Variants in TATDN1 observed in about 807,000 individuals in gnomAD.
The protein encoded by TATDN1 is TatD DNase domain containing 1, also known as deoxyribonuclease TATDN1.
Under a neutral mutation model 46.4 loss-of-function variants are expected in TATDN1, and 40 were observed. That is an observed-to-expected ratio of 0.86 (90% CI 0.67 to 1.12). TATDN1 has a LOEUF of 1.12. Among genes scored for constraint, TATDN1 ranks in the 50% most tolerant of loss-of-function variants. The pLI is 0.00. For synonymous variants in TATDN1, 95 were observed against 105.6 expected (o/e 0.90, Z 0.62); for missense variants, 326 against 348.4 (o/e 0.94, Z 0.51).
At position 124,522,173 on chromosome 8, in the gene TATDN1, G is replaced by C. The variant is rs754436131; in HGVS notation, c.116C>G (p.Ala39Gly). The C allele has an allele frequency of 6.3e-7, 1 of 1,596,172 alleles. No individual in the cohort carries two copies. The highest frequency in any genetic ancestry group is 1.1e-5 in the South Asian group (1 of 88,278). The change falls in exon 3 of 12, where the codon GCT (alanine) becomes GGT (glycine). Residue 39 changes from alanine (A) to glycine (G), a missense_variant. Ala to Gly is a moderately conservative substitution (Grantham distance 60). Coordinates refer to ENST00000276692, the MANE Select transcript of TATDN1 (RefSeq NM_032026.4). Reference protein sequence around the residue: ...QDDLQDVIGRAVEIGVKKFMI... With the variant: ...QDDLQDVIGRGVEIGVKKFMI... ...TACCTTTTTAACACCAATCTCGACAGCTCTCCCTATTACATCCTGTAAGTC... is the reference window on the plus strand; with the variant it reads ...TACCTTTTTAACACCAATCTCGACACCTCTCCCTATTACATCCTGTAAGTC...
At chr8:124,520,714 T>A (rs2131511749) in intron 3 of TATDN1, among the ~76,000 whole-genome samples, 1 of 151,888 alleles carries the variant, frequency 6.6e-6, no homozygotes, top group Admixed American at 6.6e-5. Flanking sequence ...AAGCCAAGGC[T>A]GGCAGATCAC....
At chr8:124,538,003 CTT>C (rs1237547076) in intron 1 of TATDN1, among the ~76,000 whole-genome samples, 54 of 152,302 alleles carry the variant, frequency 3.5e-4, no homozygotes, top group African/African-American at 1.2e-3. Flanking sequence ...ATCCTAATCT[CTT>C]GATTGCCAGA....
At chr8:124,517,214 G>T (rs566544196) in intron 4 of TATDN1, among the ~76,000 whole-genome samples, 1 of 152,310 alleles carries the variant, frequency 6.6e-6, no homozygotes, top group East Asian at 1.9e-4. Flanking sequence ...CAGATCACGA[G>T]GTCAGGAGTT....
At chr8:124,538,288 T>C (rs2131591764) in intron 1 of TATDN1, 1 of 152,448 alleles carries the variant, frequency 6.6e-6, no homozygotes, top group South Asian at 2.1e-4. Flanking sequence ...TCCCTACCTC[T>C]CCCTATTTCC....
chr8:124,524,041 G>A (rs1029802056), intron 1 of TATDN1, among the ~76,000 whole-genome samples: 5 of 152,236 alleles, frequency 3.3e-5, no homozygotes, highest in East Asian at 1.9e-4. Flanking sequence ...CAAAATTTGC[G>A]GTGGTGGTAG....
At chr8:124,524,071 C>T (rs144592799) in intron 1 of TATDN1, among the ~76,000 whole-genome samples, 292 of 152,302 alleles carry the variant, frequency 1.9e-3, no homozygotes, top group African/African-American at 6.7e-3. Context: ...TACCAACAGA[C>T]TCCCTACATT....
At chr8:124,495,434 T>C in intron 10 of TATDN1, 38 bp downstream of exon 10, 1 of 1,494,154 alleles carries the variant, frequency 6.7e-7, no homozygotes, top group Non-Finnish European at 9.2e-7. Context: ...TTGTTTGGTA[T>C]GGTTTAATAT....
In TATDN1 at chr8:124,515,959, A is replaced by C. The variant is rs1293379813; in HGVS notation, c.274T>G (p.Tyr92Asp). The C allele has an allele frequency of 6.2e-7, 1 of 1,614,024 alleles. No individual in the cohort carries two copies. The highest frequency in any genetic ancestry group is 1.1e-5 in the South Asian group (1 of 91,070). ...GCAAGATTTAGCAACTCCTTTAAGT[A>C]AAGATCAGGGTTATTCTTTTCAAAT... is the stretch of plus-strand genomic sequence containing the variant. ...GEFEKNNPDL[Y>D]LKELLNLAEN... Residue 92 changes from tyrosine to aspartate, a missense_variant, in exon 5 of 12, where the codon TAC (tyrosine) becomes GAC (aspartate). Transcript: ENST00000276692.
At chr8:124,500,165 A>T (rs1421308608) in intron 9 of TATDN1, among the ~76,000 whole-genome samples, 2 of 152,154 alleles carry the variant, frequency 1.3e-5, no homozygotes, top group African/African-American at 4.8e-5. Flanking sequence ...TCTTGGGGGA[A>T]AAATTCTAAT....
Position 124,504,361 on chromosome 8 carries a change from G to T in TATDN1, c.517-14C>A, listed in dbSNP as rs72713074. The stretch of plus-strand genomic sequence containing the variant: ...AAATGAATGCACCTGGGGACATACA[G>T]GTATAAGTTTATTATTATAATAATT... On this transcript the variant is annotated splice_polypyrimidine_tract_variant and intron_variant, in intron 8 of 11. Coordinates refer to ENST00000276692, the MANE Select transcript of TATDN1 (RefSeq NM_032026.4). 2 of 1,529,380 alleles carry T rather than the reference G, an allele frequency of 1.3e-6. No homozygotes were observed. The highest frequency in any genetic ancestry group is 1.8e-6 in the Non-Finnish European group (2 of 1,134,714). The allele number at this position is 1,529,380 out of a possible 1,614,324, so 94.7% of individuals were successfully genotyped here. A position where few individuals can be genotyped will look rare whatever the true frequency, so the allele number is the denominator to read the frequency against.
intron 10 of TATDN1, 90 bp downstream of exon 10, chr8:124,495,382 A>T (rs1817375829): frequency 2.2e-6 from 2 of 922,984 alleles, no homozygotes; most frequent in Non-Finnish European, 3.4e-6. Context: ...ATACTTGTTC[A>T]CTTAAAGTTT....
In TATDN1 at chr8:124,532,913, T is replaced by C. The variant is rs957846474; in HGVS notation, c.22+6112A>G. On this transcript the variant is annotated intron_variant, in intron 1 of 11. Coordinates refer to ENST00000276692, the MANE Select transcript of TATDN1 (RefSeq NM_032026.4). ...AAGTCTATATGAGGTGAGAGAAAAGTGTCTGTAAAGACAACACAGTCTTTG... is the reference window on the plus strand; with the variant it reads ...AAGTCTATATGAGGTGAGAGAAAAGCGTCTGTAAAGACAACACAGTCTTTG... Among the ~76,000 whole-genome samples, 15 of 152,264 alleles carry C rather than the reference T, an allele frequency of 9.9e-5. No individual in the cohort carries two copies. In the South Asian group the frequency reaches 2.5e-3, roughly 25 times the overall value.
intron 9 of TATDN1, among the ~76,000 whole-genome samples, chr8:124,499,553 C>CT (rs906829808): frequency 4.8e-4 from 73 of 151,088 alleles, no homozygotes; most frequent in South Asian, 8.4e-4. Flanking sequence ...TTCCCATTTT[C>CT]TTTTTTTTTG....
chr8:124,513,872 A>AC (rs1231939855), intron 6 of TATDN1, among the ~76,000 whole-genome samples: 2 of 152,338 alleles, frequency 1.3e-5, no homozygotes, highest in African/African-American at 4.8e-5. Context: ...AACCTAAAGA[A>AC]CTATTAAAGA....
chr8:124,496,808 T>C (rs1817504677), intron 9 of TATDN1, among the ~76,000 whole-genome samples: 1 of 152,196 alleles, frequency 6.6e-6, no homozygotes, highest in Non-Finnish European at 1.5e-5. Flanking sequence ...AATTAGGTAA[T>C]ATGGACCTCT....
At chr8:124,527,852 G>T (rs954590044) in intron 1 of TATDN1, among the ~76,000 whole-genome samples, 1 of 150,884 alleles carries the variant, frequency 6.6e-6, no homozygotes, top group Non-Finnish European at 1.5e-5. Context: ...ACCAGGAATA[G>T]AGAGATGGCA....
At chr8:124,525,785 A>T (rs1431548758) in intron 1 of TATDN1, among the ~76,000 whole-genome samples, 1 of 152,228 alleles carries the variant, frequency 6.6e-6, no homozygotes, top group Non-Finnish European at 1.5e-5. Flanking sequence ...AAATAGCCAA[A>T]TGTGAGTCAA....
chr8:124,537,329 G>T (rs1821533788), intron 1 of TATDN1, among the ~76,000 whole-genome samples: 1 of 152,156 alleles, frequency 6.6e-6, no homozygotes, highest in Non-Finnish European at 1.5e-5. Flanking sequence ...CAGGCAACAG[G>T]GTAGTTGGTA....
chr8:124,504,137 A>G, intron 9 of TATDN1, 134 bp downstream of exon 9: 1 of 746,614 alleles, frequency 1.3e-6, no homozygotes, highest in Non-Finnish European at 2.1e-6. Context: ...ATAATTACTG[A>G]AATTCCCAGC....
Sources: allele counts gnomAD v4.1 joint callset (sites outside exome capture counted in the v4.1 genomes callset), GRCh38; gene constraint gnomAD v4.1.1; transcripts MANE v1.5; gene names NCBI Gene and HGNC (gene_info 2026-07-23, HGNC 2026-07-21).